The following RNF38 variants were observed in gnomAD, a reference collection of about 807,000 sequenced individuals.
RNF38 encodes ring finger protein 38.
RNF38 carries 15 observed loss-of-function variants against 67.2 expected under a neutral mutation model. The ratio of observed to expected loss-of-function variants is 0.22; its 90% confidence interval spans 0.15 to 0.34. The LOEUF (loss-of-function observed/expected upper bound fraction) is 0.34. Among genes scored for constraint, RNF38 ranks in the 10% least tolerant of loss-of-function variants. The pLI is 1.00. For missense variants in RNF38, 524 were observed against 639.9 expected (o/e 0.82, Z 1.95); for synonymous variants, 220 against 218.8 (o/e 1.01, Z -0.05).
exon 1 of RNF38, chr9:36,487,318 C>A (rs1587233292): frequency 2.0e-6 from 2 of 985,292 alleles, no homozygotes; most frequent in South Asian, 4.6e-5. Context: ...CTGCTCCCGG[C>A]GCTCGGCCGC....
At chr9:36,480,951 C>T (rs1840244639) in intron 1 of RNF38, among the ~76,000 whole-genome samples, 1 of 151,856 alleles carries the variant, frequency 6.6e-6, no homozygotes, top group Admixed American at 6.6e-5. Flanking sequence ...ATCTCACTCT[C>T]TTATTTCTAT....
intron 4 of RNF38, among the ~76,000 whole-genome samples, chr9:36,367,933 C>T (rs571878792): frequency 6.6e-6 from 1 of 152,184 alleles, no homozygotes; most frequent in Non-Finnish European, 1.5e-5. Context: ...CTCACTGCAA[C>T]CTCCACCTCA....
chr9:36,485,721 G>A (rs1410467479), intron 1 of RNF38, among the ~76,000 whole-genome samples: 3 of 152,106 alleles, frequency 2.0e-5, no homozygotes, highest in Non-Finnish European at 2.9e-5. Flanking sequence ...GGTGCAAGAG[G>A]GCAGCAAGAA....
chr9:36,446,735 G>A (rs1341971131), intron 1 of RNF38, among the ~76,000 whole-genome samples: 4 of 148,544 alleles, frequency 2.7e-5, no homozygotes, highest in African/African-American at 1.0e-4. Flanking sequence ...TTGAACCCAG[G>A]AGGCAGAGGT....
chr9:36,472,533 A>G (rs1840019643), intron 1 of RNF38, among the ~76,000 whole-genome samples: 1 of 152,196 alleles, frequency 6.6e-6, no homozygotes, highest in Admixed American at 6.6e-5. Context: ...AGCAGCACTC[A>G]AAGAAAAAAC....
chr9:36,465,020 G>C (rs1839827060), intron 1 of RNF38, among the ~76,000 whole-genome samples: 2 of 152,192 alleles, frequency 1.3e-5, no homozygotes. Flanking sequence ...AACATCATTA[G>C]CCATGGGGGG....
intron 6 of RNF38, among the ~76,000 whole-genome samples, chr9:36,353,693 C>T (rs1294980400): frequency 6.6e-6 from 1 of 152,162 alleles, no homozygotes; most frequent in African/African-American, 2.4e-5. Flanking sequence ...AAAGGATTTT[C>T]AGACATTTAA....
intron 2 of RNF38, among the ~76,000 whole-genome samples, chr9:36,414,595 A>G (rs1404279042): frequency 6.6e-6 from 1 of 151,582 alleles, no homozygotes; most frequent in Non-Finnish European, 1.5e-5. Context: ...CTGAGGCAGG[A>G]GAATCACTAG....
chr9:36,395,598 T>C lies in RNF38; in HGVS notation c.12+4499A>G, dbSNP rs1041715919. ...ATAAAGTCAAATCCAAAACTCCAAATATTCTCACCACTTCCATGATAGCAA... is the reference window on the plus strand; with the variant it reads ...ATAAAGTCAAATCCAAAACTCCAAACATTCTCACCACTTCCATGATAGCAA... On this transcript the variant is annotated intron_variant, in intron 1 of 11. Coordinates refer to ENST00000259605, the MANE Select transcript of RNF38 (RefSeq NM_022781.5). Among the ~76,000 whole-genome samples, 5 of 152,204 alleles carry C rather than the reference T, an allele frequency of 3.3e-5. No homozygotes were observed. In the East Asian group the frequency reaches 9.6e-4, roughly 29 times the overall value.
intron 1 of RNF38, among the ~76,000 whole-genome samples, chr9:36,443,641 C>A (rs973120085): frequency 3.3e-5 from 5 of 151,908 alleles, no homozygotes; most frequent in Non-Finnish European, 5.9e-5. Flanking sequence ...ACCATATAGA[C>A]CAGAAAGCAA....
chr9:36,366,249 T>C (rs1386485037), intron 4 of RNF38, among the ~76,000 whole-genome samples: 1 of 152,166 alleles, frequency 6.6e-6, no homozygotes, highest in Non-Finnish European at 1.5e-5. Context: ...ACAGCATTAT[T>C]ATATTTTTAA....
chr9:36,340,743 T>C (rs993029591), intron 11 of RNF38, among the ~76,000 whole-genome samples: 18 of 152,168 alleles, frequency 1.2e-4, no homozygotes, highest in Admixed American at 6.5e-4. Flanking sequence ...GATTGTAAAA[T>C]AGGTGACTGA....
chr9:36,482,908 G>A (rs1340227460), intron 1 of RNF38, among the ~76,000 whole-genome samples: 9 of 152,180 alleles, frequency 5.9e-5, no homozygotes, highest in Non-Finnish European at 1.3e-4. Flanking sequence ...GCAGAGCAGT[G>A]CTAGATCACA....
At chr9:36,383,524 T>C (rs566961728) in intron 2 of RNF38, among the ~76,000 whole-genome samples, 26 of 152,300 alleles carry the variant, frequency 1.7e-4, no homozygotes, top group African/African-American at 2.4e-4. Context: ...TGAAACTTTT[T>C]AAGGCAGTTC....
chr9:36,461,017 A>G (rs912188321), intron 1 of RNF38, among the ~76,000 whole-genome samples: 1 of 152,232 alleles, frequency 6.6e-6, no homozygotes, highest in Admixed American at 6.5e-5. Flanking sequence ...GTTCAAGACC[A>G]GCCTGGCCAA....
intron 1 of RNF38, among the ~76,000 whole-genome samples, chr9:36,455,188 T>C (rs1427793120): frequency 7.2e-5 from 11 of 151,870 alleles, no homozygotes; most frequent in Admixed American, 4.6e-4. Flanking sequence ...GCCTCCTGAG[T>C]AGCTGGGATC....
chr9:36,350,721 G>GGTAGATTAC (rs1833630109), intron 9 of RNF38, among the ~76,000 whole-genome samples: 1 of 152,172 alleles, frequency 6.6e-6, no homozygotes, highest in Admixed American at 6.5e-5. Context: ...TGTTATCATA[G>GGTAGATTAC]CTATGTGGTA....
intron 1 of RNF38, among the ~76,000 whole-genome samples, chr9:36,453,021 T>C (rs1408046672): frequency 7.9e-5 from 12 of 151,948 alleles, no homozygotes; most frequent in Admixed American, 7.9e-4. Context: ...TATCTAGGAG[T>C]GGAACTGCTG....
intron 9 of RNF38, among the ~76,000 whole-genome samples, chr9:36,349,036 T>C (rs1428652505): frequency 2.0e-5 from 3 of 152,174 alleles, no homozygotes; most frequent in Admixed American, 6.5e-5. Flanking sequence ...TGTGGGCCCT[T>C]AAGAAATTAT....
Sources: allele counts gnomAD v4.1 joint callset (sites outside exome capture counted in the v4.1 genomes callset), GRCh38; gene constraint gnomAD v4.1.1; transcripts MANE v1.5; gene names NCBI Gene and HGNC (gene_info 2026-07-23, HGNC 2026-07-21).